SLC24A2: variants seen among roughly 807,000 people sequenced by gnomAD.
SLC24A2 encodes the protein solute carrier family 24 member 2.
Under a neutral mutation model 62.0 loss-of-function variants are expected in SLC24A2, and 36 were observed. The ratio of observed to expected loss-of-function variants is 0.58; its 90% CI spans 0.44 to 0.77. SLC24A2 has a LOEUF of 0.77. Among genes scored for constraint, SLC24A2 ranks in the 30% least tolerant of loss-of-function variants. SLC24A2 has a pLI of 0.00. For missense variants in SLC24A2, 846 were observed against 817.9 expected, an observed-to-expected ratio of 1.03 and a Z score of -0.42; for synonymous variants, 358 against 294.0, an observed-to-expected ratio of 1.22 and a Z score of -2.23.
chr9:19,906,239 A>G, the SLC24A2 span, among the ~76,000 whole-genome samples: 1 of 152,264 alleles, frequency 6.6e-6, no homozygotes, highest in East Asian at 1.9e-4. Flanking sequence ...TGGGTACATA[A>G]CGAAATGAAG....
chr9:19,595,801 G>T (rs1836688811), intron 5 of SLC24A2, among the ~76,000 whole-genome samples: 1 of 152,098 alleles, frequency 6.6e-6, no homozygotes, highest in Non-Finnish European at 1.5e-5. Context: ...AGGAAAGAGA[G>T]AAAGTAAAGG....
chr9:19,806,746 A>G, the SLC24A2 span, among the ~76,000 whole-genome samples: 1 of 152,136 alleles, frequency 6.6e-6, no homozygotes, highest in South Asian at 2.1e-4. Flanking sequence ...TTAATCCATA[A>G]TCTAAGAAGC....
Position 19,515,766 on chromosome 9 carries a change from G to A in SLC24A2, c.*387C>T. ...ACTAATCTATAGGTATGCAAGGAGA[G>A]GTATAGTACAGGAACAGGCAGGATT... On this transcript the variant is annotated 3_prime_UTR_variant, in exon 11 of 11. Transcript: ENST00000341998. The A allele has an allele frequency of 3.7e-6, 1 of 268,100 alleles. No homozygotes were observed. Among genetic ancestry groups the A allele is most frequent in the Non-Finnish European group, 7.4e-6 (1 of 135,022 alleles). 16.6% of individuals were successfully genotyped at this position (268,100 alleles called of 1,614,324 possible).
At chr9:20,213,102 T>G in the SLC24A2 span, among the ~76,000 whole-genome samples, 1 of 151,660 alleles carries the variant, frequency 6.6e-6, no homozygotes, top group African/African-American at 2.4e-5. Flanking sequence ...GATGGGTTGA[T>G]AAGTGCAGCA....
the SLC24A2 span, chr9:19,929,807 G>C: frequency 2.9e-4 from 44 of 152,382 alleles, no homozygotes; most frequent in African/African-American, 1.1e-3. Context: ...CAGTGGGACA[G>C]ATGTAGAGGT....
At chr9:20,239,277 G>A in the SLC24A2 span, among the ~76,000 whole-genome samples, 87,075 of 152,150 alleles carry the variant, frequency 0.57, 27,806 homozygotes, top group East Asian at 0.86. Context: ...AGTATTAACT[G>A]TGTGTTAAGC....
intron 2 of SLC24A2, among the ~76,000 whole-genome samples, chr9:19,647,217 A>G (rs1489718149): frequency 6.9e-6 from 1 of 144,996 alleles, no homozygotes; most frequent in Non-Finnish European, 1.6e-5. Flanking sequence ...AAGGAGTCTC[A>G]GACATCTATG....
the SLC24A2 span, among the ~76,000 whole-genome samples, chr9:20,081,320 C>G: frequency 1.3e-5 from 2 of 151,852 alleles, no homozygotes; most frequent in African/African-American, 2.4e-5. Flanking sequence ...GAGTTCATGT[C>G]CTTTGTAGGG....
chr9:19,577,288 C>G (rs1836047855), intron 5 of SLC24A2, among the ~76,000 whole-genome samples: 1 of 144,282 alleles, frequency 6.9e-6, no homozygotes, highest in Admixed American at 7.2e-5. Flanking sequence ...TAAAGCTTCC[C>G]TACTGCTGAG....
chr9:19,850,957 ATATATATATG>A, the SLC24A2 span, among the ~76,000 whole-genome samples: 2 of 23,932 alleles, frequency 8.4e-5, no homozygotes, highest in Non-Finnish European at 2.2e-4. Flanking sequence ...ATATATATAT[ATATATATATG>A]TATATATATA....
the SLC24A2 span, among the ~76,000 whole-genome samples, chr9:20,230,218 CCAT>C: frequency 2.6e-5 from 4 of 151,958 alleles, no homozygotes; most frequent in African/African-American, 9.6e-5. Context: ...CTTTATAGCA[CCAT>C]GTTTTATAAT....
the SLC24A2 span, among the ~76,000 whole-genome samples, chr9:20,148,109 T>C: frequency 6.6e-6 from 1 of 152,058 alleles, no homozygotes; most frequent in African/African-American, 2.4e-5. Flanking sequence ...ATTTCAAAAG[T>C]TCTGCCTGAC....
chr9:20,173,134 C>A, the SLC24A2 span, among the ~76,000 whole-genome samples: 2 of 152,046 alleles, frequency 1.3e-5, no homozygotes, highest in Admixed American at 6.6e-5. Flanking sequence ...ATCCAGCAAC[C>A]CTTTATGATT....
chr9:19,862,261 AC>A, the SLC24A2 span, among the ~76,000 whole-genome samples: 3 of 152,190 alleles, frequency 2.0e-5, no homozygotes, highest in African/African-American at 7.2e-5. Context: ...TTCAGTGGAA[AC>A]CTTACAGGCT....
chr9:20,107,674 C>T, the SLC24A2 span, among the ~76,000 whole-genome samples: 3 of 152,142 alleles, frequency 2.0e-5, no homozygotes, highest in Admixed American at 6.5e-5. Context: ...CCCTTCCTTA[C>T]ACCTTATACA....
intron 7 of SLC24A2, among the ~76,000 whole-genome samples, chr9:19,559,936 G>GGGTTGTGGATCAT (rs1193094410): frequency 1.3e-5 from 2 of 152,076 alleles, no homozygotes; most frequent in African/African-American, 4.8e-5. Flanking sequence ...ATTCACTACT[G>GGGTTGTGGATCAT]GGTTGTGGAT....
chr9:19,749,919 C>G (rs1385193113), intron 2 of SLC24A2, among the ~76,000 whole-genome samples: 7 of 152,086 alleles, frequency 4.6e-5, no homozygotes, highest in Non-Finnish European at 1.0e-4. Flanking sequence ...GACCATAAAC[C>G]AAATTCTCCC....
chr9:19,921,938 G>A, the SLC24A2 span, among the ~76,000 whole-genome samples: 1 of 152,194 alleles, frequency 6.6e-6, no homozygotes, highest in Admixed American at 6.5e-5. Flanking sequence ...CTCTATTGAT[G>A]TAAGACAAAT....
chr9:19,813,128 T>A, the SLC24A2 span, among the ~76,000 whole-genome samples: 3 of 152,218 alleles, frequency 2.0e-5, no homozygotes, highest in East Asian at 5.8e-4. Flanking sequence ...TGGCCCAGGA[T>A]ATTTCTAATT....
Sources: allele counts gnomAD v4.1 joint callset (sites outside exome capture counted in the v4.1 genomes callset), GRCh38; gene constraint gnomAD v4.1.1; transcripts MANE v1.5; gene names NCBI Gene and HGNC (gene_info 2026-07-23, HGNC 2026-07-21).